C10orf67: variants seen among roughly 807,000 people sequenced by gnomAD.
C10orf67 encodes chromosome 10 open reading frame 67.
In C10orf67, 60 loss-of-function variants were observed where a neutral mutation model predicts 35.6. The ratio of observed to expected loss-of-function variants is 1.68; its 90% CI spans 1.37 to 2.09. The LOEUF is 2.09. Among genes scored for constraint, C10orf67 ranks in the 30% most tolerant of loss-of-function variants. C10orf67 has a pLI of 0.00. For missense variants in C10orf67, 474 were observed against 330.2 expected (o/e 1.44, Z -3.38); for synonymous variants, 167 against 115.8 (o/e 1.44, Z -2.84).
chr10:23,310,852 T>C (rs140648052), intron 4 of C10orf67, among the ~76,000 whole-genome samples: 112 of 152,312 alleles, frequency 7.4e-4, no homozygotes, highest in African/African-American at 2.4e-3. Flanking sequence ...CTTTGTCCAT[T>C]TCCAAATTCA....
chr10:23,240,845 C>G (rs892939940), intron 12 of C10orf67, among the ~76,000 whole-genome samples: 8 of 152,170 alleles, frequency 5.3e-5, no homozygotes, highest in Non-Finnish European at 1.2e-4. Flanking sequence ...CCATGACAAA[C>G]ATGGGAGACG....
chr10:23,319,449 G>A (rs112488540), intron 4 of C10orf67, among the ~76,000 whole-genome samples: 25,476 of 152,102 alleles, frequency 0.17, 2,708 homozygotes, highest in Non-Finnish European at 0.23. Context: ...GCTATTGTGA[G>A]CAGTGCTGCA....
intron 8 of C10orf67, among the ~76,000 whole-genome samples, chr10:23,269,785 A>G (rs1479349641): frequency 2.0e-5 from 3 of 152,060 alleles, no homozygotes; most frequent in Non-Finnish European, 4.4e-5. Context: ...TGCTAGAGCT[A>G]AAGAAAGACA....
intron 10 of C10orf67, among the ~76,000 whole-genome samples, chr10:23,255,110 G>C (rs1408158067): frequency 6.6e-6 from 1 of 152,054 alleles, no homozygotes; most frequent in Non-Finnish European, 1.5e-5. Flanking sequence ...GGGAGAGGAG[G>C]GGCTAATAGA....
intron 13 of C10orf67, among the ~76,000 whole-genome samples, chr10:23,230,091 G>C (rs553572879): frequency 6.6e-6 from 1 of 152,068 alleles, no homozygotes; most frequent in African/African-American, 2.4e-5. Context: ...TATCAGATAA[G>C]ATTTAGATAT....
intron 5 of C10orf67, among the ~76,000 whole-genome samples, chr10:23,298,428 G>A (rs1843962974): frequency 6.6e-6 from 1 of 152,160 alleles, no homozygotes; most frequent in Non-Finnish European, 1.5e-5. Flanking sequence ...TTGCCCCATT[G>A]GCAAGCTTAA....
At chr10:23,331,013 G>A (rs1330984108) in intron 2 of C10orf67, among the ~76,000 whole-genome samples, 15 of 126,700 alleles carry the variant, frequency 1.2e-4, no homozygotes, top group Admixed American at 1.2e-3. Context: ...AAGGAAACCA[G>A]GAAGAAAGGG....
At chr10:23,209,793 A>G (rs1330434605) in intron 15 of C10orf67, among the ~76,000 whole-genome samples, 5 of 152,026 alleles carry the variant, frequency 3.3e-5, no homozygotes, top group African/African-American at 1.2e-4. Context: ...TGAGCTCAGG[A>G]GTTCAAGACC....
intron 10 of C10orf67, 139 bp from the exon 11 acceptor site, chr10:23,250,830 A>T: frequency 2.5e-6 from 1 of 392,248 alleles, no homozygotes; most frequent in Admixed American, 4.4e-5. Context: ...GGGCACGGTG[A>T]CTCACGCCTG....
chr10:23,241,875 A>C (rs1390875143), intron 12 of C10orf67, among the ~76,000 whole-genome samples: 1 of 151,914 alleles, frequency 6.6e-6, no homozygotes, highest in African/African-American at 2.4e-5. Flanking sequence ...CAAGGGAAAA[A>C]ATTTAAAGTA....
At chr10:23,340,156 A>C (rs1345858244) in intron 1 of C10orf67, among the ~76,000 whole-genome samples, 3 of 152,078 alleles carry the variant, frequency 2.0e-5, no homozygotes, top group Admixed American at 2.0e-4. Context: ...TAGAAACTTG[A>C]AATTATGTTT....
At chr10:23,225,980 A>T (rs186118620) in intron 13 of C10orf67, among the ~76,000 whole-genome samples, 98 of 152,268 alleles carry the variant, frequency 6.4e-4, no homozygotes, top group Non-Finnish European at 1.2e-3. Flanking sequence ...ACTCACACAC[A>T]ATAATAATGG....
At chr10:23,302,371 A>G (rs1844107351) in intron 5 of C10orf67, among the ~76,000 whole-genome samples, 2 of 152,170 alleles carry the variant, frequency 1.3e-5, no homozygotes, top group African/African-American at 4.8e-5. Flanking sequence ...ACCTTGGTTC[A>G]TGTACCATCT....
At chr10:23,281,532 G>A (rs1358451828) in intron 8 of C10orf67, among the ~76,000 whole-genome samples, 1 of 152,112 alleles carries the variant, frequency 6.6e-6, no homozygotes, top group Non-Finnish European at 1.5e-5. Context: ...TGGGGGCTGG[G>A]GGCTGGGTAG....
chr10:23,295,405 T>C (rs1370925200), intron 5 of C10orf67, among the ~76,000 whole-genome samples: 1 of 152,236 alleles, frequency 6.6e-6, no homozygotes, highest in African/African-American at 2.4e-5. Flanking sequence ...GGGAGCTGTC[T>C]TACCCAATTG....
chr10:23,211,478 TGGGG>T lies in C10orf67; in HGVS notation c.1571-7227_1571-7224del, dbSNP rs200194805. Among the ~76,000 whole-genome samples the T allele has an allele frequency of 2.8e-3, 416 of 147,472 alleles. 3 individuals are homozygous for T. Among genetic ancestry groups the T allele is most frequent in the African/African-American group, 9.7e-3 (388 of 39,928 alleles). The stretch of plus-strand genomic sequence containing the variant: ...GGCGGTGTGTGTGTGTGTGTGTGTG[TGGGG>T]GGGGGGGGTATCACAATTCAACCCG... On this transcript the variant is annotated intron_variant, in intron 15 of 15. Transcript: ENST00000636213.
At chr10:23,295,941 A>C (rs1486984987) in intron 5 of C10orf67, among the ~76,000 whole-genome samples, 1 of 152,220 alleles carries the variant, frequency 6.6e-6, no homozygotes, top group Non-Finnish European at 1.5e-5. Flanking sequence ...TAACAAAGTA[A>C]ACACCTAAAG....
At chr10:23,236,933 G>T in intron 13 of C10orf67, among the ~76,000 whole-genome samples, 1 of 152,144 alleles carries the variant, frequency 6.6e-6, no homozygotes, top group East Asian at 1.9e-4. Flanking sequence ...TGGCAGGTTT[G>T]TTACACAGGT....
chr10:23,333,964 C>A (rs1845574839), intron 1 of C10orf67, among the ~76,000 whole-genome samples: 1 of 152,076 alleles, frequency 6.6e-6, no homozygotes, highest in South Asian at 2.1e-4. Context: ...GCACATGTTT[C>A]AGAAAAATAA....
Sources: allele counts gnomAD v4.1 joint callset (sites outside exome capture counted in the v4.1 genomes callset), GRCh38; gene constraint gnomAD v4.1.1; transcripts MANE v1.5; gene names NCBI Gene and HGNC (gene_info 2026-07-23, HGNC 2026-07-21).